The following ENTREP2 variants were observed in gnomAD, a reference collection of about 807,000 sequenced individuals.
The protein encoded by ENTREP2 is endosomal transmembrane epsin interactor 2, also known as protein ENTREP2.
At chr15:29,206,549 A>T in the ENTREP2 span, among the ~76,000 whole-genome samples, 1 of 152,158 alleles carries the variant, frequency 6.6e-6, no homozygotes, top group Non-Finnish European at 1.5e-5. Context: ...GATACCACAG[A>T]TCACACCCCG....
At chr15:29,638,466 C>CA in the ENTREP2 span, among the ~76,000 whole-genome samples, 2 of 152,246 alleles carry the variant, frequency 1.3e-5, no homozygotes, top group African/African-American at 4.8e-5. Context: ...TTCTGCATCT[C>CA]AGAGTGCTGA....
the ENTREP2 span, among the ~76,000 whole-genome samples, chr15:29,563,352 A>G: frequency 6.6e-6 from 1 of 151,088 alleles, no homozygotes; most frequent in Admixed American, 6.6e-5. Flanking sequence ...TCTTTTTTTT[A>G]TTATTTTTCT....
At chr15:29,217,853 G>A in the ENTREP2 span, among the ~76,000 whole-genome samples, 50,551 of 151,974 alleles carry the variant, frequency 0.33, 9,896 homozygotes, top group East Asian at 0.6. Flanking sequence ...TTGGTTTTCT[G>A]ATTCCTTCTC....
the ENTREP2 span, among the ~76,000 whole-genome samples, chr15:29,485,966 G>A: frequency 1.5e-3 from 223 of 152,254 alleles, no homozygotes; most frequent in African/African-American, 5.3e-3. Flanking sequence ...TCTCAAAAAA[G>A]TAAAAACAGA....
the ENTREP2 span, among the ~76,000 whole-genome samples, chr15:29,215,577 A>ATATATAT: frequency 6.9e-6 from 1 of 144,716 alleles, no homozygotes; most frequent in Admixed American, 7.0e-5. Context: ...AAATATATAT[A>ATATATAT]ATATATATAT....
At chr15:29,235,565 G>C in the ENTREP2 span, among the ~76,000 whole-genome samples, 1 of 152,186 alleles carries the variant, frequency 6.6e-6, no homozygotes, top group Non-Finnish European at 1.5e-5. Flanking sequence ...AATATGTGGA[G>C]TGCAGCTAAA....
chr15:29,273,648 C>T, the ENTREP2 span, among the ~76,000 whole-genome samples: 20 of 152,240 alleles, frequency 1.3e-4, no homozygotes, highest in African/African-American at 3.6e-4. Flanking sequence ...GGCAGACCCA[C>T]GTTCAATCTG....
chr15:29,517,673 A>G, the ENTREP2 span, among the ~76,000 whole-genome samples: 388 of 152,252 alleles, frequency 2.5e-3, 2 homozygotes, highest in African/African-American at 9.0e-3. Context: ...CTTTGGACAC[A>G]CATCCTCCCT....
the ENTREP2 span, among the ~76,000 whole-genome samples, chr15:29,630,846 C>G: frequency 1.3e-5 from 2 of 152,164 alleles, no homozygotes; most frequent in African/African-American, 4.8e-5. Flanking sequence ...CACCACCACG[C>G]TAATTTTTGT....
chr15:29,424,141 G>A, the ENTREP2 span, among the ~76,000 whole-genome samples: 1,097 of 152,292 alleles, frequency 7.2e-3, 15 homozygotes, highest in Middle Eastern at 0.048. Context: ...AACCCTCAAT[G>A]TGAGTTATAG....
At chr15:29,469,282 C>T in the ENTREP2 span, among the ~76,000 whole-genome samples, 2 of 152,250 alleles carry the variant, frequency 1.3e-5, no homozygotes, top group Admixed American at 6.5e-5. Context: ...TCACTGCAAG[C>T]TCCGCCTCTT....
At chr15:29,437,479 A>ACTTCTATTCT in the ENTREP2 span, among the ~76,000 whole-genome samples, 2 of 152,218 alleles carry the variant, frequency 1.3e-5, no homozygotes, top group Non-Finnish European at 2.9e-5. Context: ...ACTTCATATA[A>ACTTCTATTCT]TATTGCATCT....
At chr15:29,162,062 C>G in the ENTREP2 span, among the ~76,000 whole-genome samples, 1 of 152,184 alleles carries the variant, frequency 6.6e-6, no homozygotes, top group Non-Finnish European at 1.5e-5. Context: ...AAAGGAAGGT[C>G]TGTTTGCAGG....
chr15:29,400,739 T>G, the ENTREP2 span, among the ~76,000 whole-genome samples: 1 of 152,200 alleles, frequency 6.6e-6, no homozygotes, highest in Non-Finnish European at 1.5e-5. Flanking sequence ...ATGTATACGT[T>G]TATGGCTAAA....
At chr15:29,569,376 G>C in the ENTREP2 span, 1 of 152,150 alleles carries the variant, frequency 6.6e-6, no homozygotes, top group Non-Finnish European at 1.5e-5. Context: ...AAAAAACAAA[G>C]ACCATTATGA....
the ENTREP2 span, among the ~76,000 whole-genome samples, chr15:29,664,064 C>G: frequency 6.6e-6 from 1 of 151,964 alleles, no homozygotes; most frequent in South Asian, 2.1e-4. Flanking sequence ...GGTATGAAGC[C>G]TCATATTTTG....
the ENTREP2 span, among the ~76,000 whole-genome samples, chr15:29,336,026 C>A: frequency 6.6e-6 from 1 of 150,966 alleles, no homozygotes; most frequent in Non-Finnish European, 1.5e-5. Flanking sequence ...CCTGTAGTCC[C>A]AGCTGCTCAA....
the ENTREP2 span, among the ~76,000 whole-genome samples, chr15:29,458,393 A>G: frequency 6.6e-6 from 1 of 152,126 alleles, no homozygotes; most frequent in Non-Finnish European, 1.5e-5. Flanking sequence ...ATCAGGAATA[A>G]TGTTTTACCA....
the ENTREP2 span, among the ~76,000 whole-genome samples, chr15:29,545,150 A>G: frequency 6.6e-6 from 1 of 152,250 alleles, no homozygotes; most frequent in Non-Finnish European, 1.5e-5. Context: ...TGACTCACAC[A>G]CTGTAAGGAC....
Sources: allele counts gnomAD v4.1 joint callset (sites outside exome capture counted in the v4.1 genomes callset), GRCh38; gene constraint gnomAD v4.1.1; transcripts MANE v1.5; gene names NCBI Gene and HGNC (gene_info 2026-07-23, HGNC 2026-07-21).